The following RBCK1 variants were observed in gnomAD, a reference collection of about 807,000 sequenced individuals.
RBCK1 encodes RANBP2-type and C3HC4-type zinc finger containing 1, also known as ranBP-type and C3HC4-type zinc finger-containing protein 1.
In RBCK1, 44 loss-of-function variants were observed where a neutral mutation model predicts 71.1. The observed-to-expected ratio is 0.62, with a 90% CI of 0.49 to 0.80. The LOEUF is 0.80. Among genes scored for constraint, RBCK1 ranks in the 30% least tolerant of loss-of-function variants. RBCK1 has a pLI of 0.00. For missense variants in RBCK1, 569 were observed against 685.0 expected (o/e 0.83, Z 1.89); for synonymous variants, 306 against 279.7 (o/e 1.09, Z -0.94).
At chr20:418,442 C>G (rs1258183651) in intron 4 of RBCK1, among the ~76,000 whole-genome samples, 1 of 152,084 alleles carries the variant, frequency 6.6e-6, no homozygotes, top group Non-Finnish European at 1.5e-5. Flanking sequence ...AATCTCGGCT[C>G]ACTGCAAGCT....
In RBCK1 at chr20:417,452, TA is replaced by T. The variant is rs2016063259; in HGVS notation, c.168-73del. The T allele has an allele frequency of 3.1e-6, 4 of 1,291,428 alleles. No individual in the cohort carries two copies. Among genetic ancestry groups the T allele is most frequent in the Non-Finnish European group, 4.5e-6 (4 of 889,626 alleles). 80.0% of individuals were successfully genotyped at this position (1,291,428 alleles called of 1,614,324 possible). On this transcript the variant is annotated intron_variant, in intron 2 of 11. Coordinates refer to ENST00000356286, the MANE Select transcript of RBCK1 (RefSeq NM_031229.4). This position sits in a 1 kb window ranked among gnomAD's most constrained non-coding sequence, Gnocchi z 4.7. ...GGCCATGTGCCTGTGTGCAAATATG[TA>T]CATGTCTGTAGCCGGTGGCTGAGGC...
chr20:430,417 A>G lies in RBCK1; in HGVS notation c.1520A>G (p.Gln507Arg), dbSNP rs969675403. The change falls in exon 12 of 12, where the codon CAG becomes CGG. Residue 507 changes from glutamine to arginine, a missense_variant. By Grantham distance (43) the Gln-to-Arg change is conservative. This residue lies in a region of RBCK1 where 211 missense variants were observed against 309.4 expected (regional missense o/e 0.68). Transcript: ENST00000356286. The surrounding 1 kb of genome is among the most constrained non-coding windows in gnomAD (Gnocchi z 5.6). ...VNGIPCHPSC[Q>R]NCH ...GGGATTCCTTGCCACCCAAGCTGTC[A>G]GAACTGCCACTGAGCTAAAGATGGT... is the stretch of plus-strand genomic sequence containing the variant. 9.9e-6 allele frequency: 16 copies of G among 1,612,230 alleles called. No individual in the cohort carries two copies. In the African/African-American group the frequency reaches 1.3e-4, roughly 13 times the overall value.
chr20:408,358 A>C lies in RBCK1; in HGVS notation c.-400A>C. ...TTGCGAAGAACTGGGGCCTCCCGGG[A>C]GGAGAGAGGGCTTTGCCTTGAAACC... On this transcript the variant is annotated 5_prime_UTR_variant, in exon 1 of 12. Transcript: ENST00000356286. 1 of 287,216 alleles carries C rather than the reference A, an allele frequency of 3.5e-6. No individual in the cohort carries two copies. 17.8% of individuals were successfully genotyped at this position (287,216 alleles called of 1,614,324 possible).
At position 422,286 on chromosome 20, in the gene RBCK1, A is replaced by C; in HGVS notation, c.1029+48A>C. ...ATACCCCAAGTCCCAACTCCTAAGG[A>C]ACTGGGCCCTGAGCAGGCAGCAGAC... On this transcript the variant is annotated intron_variant, in intron 8 of 11. Transcript: ENST00000356286. The surrounding 1 kb of genome is among the most constrained non-coding windows in gnomAD (Gnocchi z 5.0). The C allele has an allele frequency of 1.3e-6, 2 of 1,491,260 alleles. No individual in the cohort carries two copies. Among genetic ancestry groups the C allele is most frequent in the Non-Finnish European group, 1.9e-6 (2 of 1,073,008 alleles). 92.4% of individuals were successfully genotyped at this position (1,491,260 alleles called of 1,614,324 possible). A position where few individuals can be genotyped will look rare whatever the true frequency, so the allele number is the denominator to read the frequency against.
In RBCK1 at chr20:421,233, C is replaced by T. The variant is rs76627701; in HGVS notation, c.917+202C>T. Among the ~76,000 whole-genome samples, 2,608 of 152,310 alleles carry T rather than the reference C, an allele frequency of 0.017. 84 individuals carry two copies. The highest frequency in any genetic ancestry group is 0.059 in the African/African-American group (2,449 of 41,560). Reference sequence around the variant, plus strand: ...AGCGCCTTACCCCAGGCCCACGGCTCATGAGAGAAGCAGCCTAGACGTGAG... The same window carrying T: ...AGCGCCTTACCCCAGGCCCACGGCTTATGAGAGAAGCAGCCTAGACGTGAG... On this transcript the variant is annotated intron_variant, in intron 7 of 11. Transcript: ENST00000356286.
At chr20:424,459 C>T (rs1259877678) in intron 8 of RBCK1, among the ~76,000 whole-genome samples, 1 of 152,188 alleles carries the variant, frequency 6.6e-6, no homozygotes, top group African/African-American at 2.4e-5. Flanking sequence ...CTCCTATGCC[C>T]CTATTTCTCC....
rs1287096182 is a variant in RBCK1 at position 422,576 on chromosome 20, TC to T, written c.1029+341del. Among the ~76,000 whole-genome samples the T allele has an allele frequency of 6.6e-6, 1 of 152,088 alleles. No homozygotes were observed. The highest frequency in any genetic ancestry group is 1.5e-5 in the Non-Finnish European group (1 of 68,022). ...TGGGCGTGGCAGCTCACACCTGTAA[TC>T]CCAGCACTTTGGGAGGATGAAGTGG... On this transcript the variant is annotated intron_variant, in intron 8 of 11. Coordinates refer to ENST00000356286, the MANE Select transcript of RBCK1 (RefSeq NM_031229.4). The surrounding 1 kb of genome is among the most constrained non-coding windows in gnomAD (Gnocchi z 5.0).
At chr20:418,240 C>A (rs77722296) in intron 4 of RBCK1, among the ~76,000 whole-genome samples, 1,641 of 152,290 alleles carry the variant, frequency 0.011, 29 homozygotes, top group African/African-American at 0.038. Flanking sequence ...TGACAGTGAT[C>A]GTGATAACTA....
intron 6 of RBCK1, chr20:420,290 C>T (rs1158443667): frequency 1.0e-6 from 1 of 984,860 alleles, no homozygotes; most frequent in Non-Finnish European, 1.2e-6. Flanking sequence ...CCCTACCCCG[C>T]CCCCATCGTG....
Position 422,372 on chromosome 20 carries a change from G to T in RBCK1, c.1029+134G>T. 5.6e-6 allele frequency: 4 copies of T among 709,866 alleles called. 1 individual carries two copies. Among genetic ancestry groups the T allele is most frequent in the South Asian group, 5.3e-5 (3 of 56,538 alleles). 44.0% of individuals were successfully genotyped at this position (709,866 alleles called of 1,614,324 possible). ...GGGTCTCACTATGTTGTCCAAGCTG[G>T]TCTCAAACTCCTGGGCTTAAGCGAT... On this transcript the variant is annotated intron_variant, in intron 8 of 11. Coordinates refer to ENST00000356286, the MANE Select transcript of RBCK1 (RefSeq NM_031229.4). The surrounding 1 kb of genome is among the most constrained non-coding windows in gnomAD (Gnocchi z 5.0).
chr20:418,272 CT>C (rs1447460094), intron 4 of RBCK1, among the ~76,000 whole-genome samples: 1 of 152,228 alleles, frequency 6.6e-6, no homozygotes, highest in East Asian at 1.9e-4. Context: ...TAATTTTTAA[CT>C]TCTGAAATGT....
At chr20:410,093 T>G in intron 2 of RBCK1, 68 bp downstream of exon 2, 1 of 1,522,004 alleles carries the variant, frequency 6.6e-7, no homozygotes, top group Non-Finnish European at 8.9e-7. Context: ...TGTAGAACAG[T>G]TCTTCCTAAT....
intron 2 of RBCK1, 117 bp downstream of exon 2, chr20:410,142 A>T (rs574386864): frequency 8.7e-7 from 1 of 1,155,662 alleles, no homozygotes; most frequent in African/African-American, 1.6e-5. Context: ...TTCTAACCCT[A>T]GTTATGTCAT....
In RBCK1 at chr20:428,824, C is replaced by G. The variant is rs1600315787; in HGVS notation, c.1309-127C>G. 1.4e-5 allele frequency: 20 copies of G among 1,437,046 alleles called. 1 individual carries two copies. In the South Asian group the frequency reaches 2.2e-4, roughly 16 times the overall value. 89.0% of individuals were successfully genotyped at this position (1,437,046 alleles called of 1,614,324 possible). Reference sequence around the variant, plus strand: ...AGGGGGTTGCTGGATGGAGCCTGGCCTGGCAGAGCCACACAGGAGAGACTC... The same window carrying G: ...AGGGGGTTGCTGGATGGAGCCTGGCGTGGCAGAGCCACACAGGAGAGACTC... On this transcript the variant is annotated intron_variant, in intron 10 of 11. Coordinates refer to ENST00000356286, the MANE Select transcript of RBCK1 (RefSeq NM_031229.4). The surrounding 1 kb of genome is among the most constrained non-coding windows in gnomAD (Gnocchi z 5.7).
intron 7 of RBCK1, among the ~76,000 whole-genome samples, chr20:421,732 C>T (rs1034299108): frequency 1.3e-5 from 2 of 151,770 alleles, no homozygotes; most frequent in Admixed American, 6.6e-5. Flanking sequence ...AGGGGGTAAT[C>T]AGAGCAGGAT....
intron 8 of RBCK1, among the ~76,000 whole-genome samples, chr20:425,963 A>C (rs1052100427): frequency 2.0e-5 from 3 of 152,198 alleles, no homozygotes; most frequent in Admixed American, 2.0e-4. Context: ...ATAAAGTTAA[A>C]GAAGTGGGAT....
Position 432,011 on chromosome 20 carries a change from C to T in RBCK1, c.*1581C>T, listed in dbSNP as rs2017028226. ...ATGAGACAAAAGCAGAGATTGTTCT[C>T]TTGTGGTACCACAGGCTGTAACCAG... On this transcript the variant is annotated 3_prime_UTR_variant, in exon 12 of 12. Coordinates refer to ENST00000356286, the MANE Select transcript of RBCK1 (RefSeq NM_031229.4). The surrounding 1 kb of genome is among the most constrained non-coding windows in gnomAD (Gnocchi z 4.3). Among the ~76,000 whole-genome samples, 2 of 152,224 alleles carry T rather than the reference C, an allele frequency of 1.3e-5. No individual in the cohort carries two copies. The highest frequency in any genetic ancestry group is 4.1e-4 in the South Asian group (2 of 4,836).
Position 428,748 on chromosome 20 carries a change from G to A in RBCK1, c.1308+159G>A. On this transcript the variant is annotated intron_variant, in intron 10 of 11. Coordinates refer to ENST00000356286, the MANE Select transcript of RBCK1 (RefSeq NM_031229.4). The surrounding 1 kb of genome is among the most constrained non-coding windows in gnomAD (Gnocchi z 5.7). Reference sequence around the variant, plus strand: ...CCGGAGGTGGGACTTAGGCCGAATGGTCATGTCAGGAAGAGCGTCTGGGTG... The same window carrying A: ...CCGGAGGTGGGACTTAGGCCGAATGATCATGTCAGGAAGAGCGTCTGGGTG... The A allele has an allele frequency of 7.1e-7, 1 of 1,401,632 alleles. No individual in the cohort carries two copies. The highest frequency in any genetic ancestry group is 9.4e-7 in the Non-Finnish European group (1 of 1,060,018). The allele number at this position is 1,401,632 out of a possible 1,614,324, so 86.8% of individuals were successfully genotyped here.
At chr20:419,294 G>A in intron 4 of RBCK1, 53 bp from the exon 5 acceptor site, 1 of 1,609,058 alleles carries the variant, frequency 6.2e-7, no homozygotes, top group Non-Finnish European at 8.5e-7. Flanking sequence ...ACCCCCATGG[G>A]TGTGGACCAA....
Sources: gnomAD v4.1 joint callset for allele counts (sites outside exome capture counted in the v4.1 genomes callset) on GRCh38, gnomAD v4.1.1 for gene constraint, gnomAD v4.1.1 regional missense constraint, Gnocchi (gnomAD v3.1) non-coding constraint, MANE v1.5 for transcripts, NCBI Gene and HGNC (gene_info 2026-07-23, HGNC 2026-07-21) for gene names.